DLGAP2: variants seen among roughly 807,000 people sequenced by gnomAD.
DLGAP2 encodes disks large-associated protein 2.
In DLGAP2, 26 loss-of-function variants were observed where a neutral mutation model predicts 100.3. The ratio of observed to expected loss-of-function variants is 0.26; its 90% CI spans 0.19 to 0.36. The LOEUF is 0.36. DLGAP2 is among the 10% of genes least tolerant of loss of function. DLGAP2 has a pLI of 1.00. For missense variants in DLGAP2, 1,858 were observed against 1,453.2 expected (o/e 1.28, Z -4.53); for synonymous variants, 886 against 630.1 (o/e 1.41, Z -6.08).
At chr8:982,883 A>ATTTTTTTTT (rs35686773) in intron 2 of DLGAP2, among the ~76,000 whole-genome samples, 3 of 117,334 alleles carry the variant, frequency 2.6e-5, no homozygotes, top group Non-Finnish European at 5.1e-5. Context: ...TAAAGGTAGG[A>ATTTTTTTTT]TTTTTTTTTT....
chr8:908,961 A>G (rs1198601216), intron 2 of DLGAP2, among the ~76,000 whole-genome samples: 1 of 150,714 alleles, frequency 6.6e-6, no homozygotes, highest in African/African-American at 2.4e-5. Flanking sequence ...CTCACCACTA[A>G]GAATGATGGT....
intron 2 of DLGAP2, among the ~76,000 whole-genome samples, chr8:981,693 T>C (rs987500778): frequency 2.0e-5 from 3 of 152,226 alleles, no homozygotes; most frequent in African/African-American, 4.8e-5. Flanking sequence ...GCACCTTTCA[T>C]GTATTTATTA....
chr8:1,455,325 G>A (rs1045194585), intron 3 of DLGAP2, among the ~76,000 whole-genome samples: 13 of 152,246 alleles, frequency 8.5e-5, no homozygotes, highest in African/African-American at 2.9e-4. Flanking sequence ...CTGCCTGCAG[G>A]TGGGGTTTCC....
chr8:1,147,669 C>G (rs180908696), intron 2 of DLGAP2, among the ~76,000 whole-genome samples: 1 of 151,872 alleles, frequency 6.6e-6, no homozygotes, highest in East Asian at 1.9e-4. Flanking sequence ...GTCACTGAGA[C>G]TAAAGGCAAG....
At chr8:1,449,188 GCA>G (rs1380165823) in intron 3 of DLGAP2, among the ~76,000 whole-genome samples, 1 of 152,214 alleles carries the variant, frequency 6.6e-6, no homozygotes, top group Non-Finnish European at 1.5e-5. Context: ...TGACCACACA[GCA>G]CAGTTCTCAG....
At chr8:967,765 G>GTATATATATATATGTATACA (rs1554455048) in intron 2 of DLGAP2, among the ~76,000 whole-genome samples, 35 of 52,646 alleles carry the variant, frequency 6.6e-4, no homozygotes, top group African/African-American at 2.1e-3. Context: ...ACAAAGAGGT[G>GTATATATATATATGTATACA]TATATATATA....
chr8:1,007,172 C>T (rs1041232679), intron 2 of DLGAP2, among the ~76,000 whole-genome samples: 17 of 152,156 alleles, frequency 1.1e-4, no homozygotes, highest in Non-Finnish European at 1.8e-4. Context: ...TATGAAGTCT[C>T]GGGATGTGGT....
At chr8:1,504,889 C>A (rs1799852735) in intron 4 of DLGAP2, among the ~76,000 whole-genome samples, 1 of 152,060 alleles carries the variant, frequency 6.6e-6, no homozygotes, top group Admixed American at 6.6e-5. Flanking sequence ...AGAAAAATAC[C>A]CAGAAGTGGG....
chr8:1,138,236 C>G (rs187609727), intron 2 of DLGAP2, among the ~76,000 whole-genome samples: 1 of 152,314 alleles, frequency 6.6e-6, no homozygotes, highest in African/African-American at 2.4e-5. Flanking sequence ...CCCTGAGTCC[C>G]CTGTTGGTTC....
At chr8:776,906 G>C (rs7341554) in intron 1 of DLGAP2, among the ~76,000 whole-genome samples, 1 of 151,882 alleles carries the variant, frequency 6.6e-6, no homozygotes, top group African/African-American at 2.4e-5. Context: ...GGGTATCCTT[G>C]TTGACTTTCT....
chr8:846,883 T>G (rs180952688), intron 1 of DLGAP2, among the ~76,000 whole-genome samples: 9 of 152,328 alleles, frequency 5.9e-5, no homozygotes, highest in Admixed American at 2.6e-4. Flanking sequence ...ATGTCTGGCT[T>G]GCTCTTGTTT....
At chr8:779,631 A>G (rs2132621634) in intron 1 of DLGAP2, among the ~76,000 whole-genome samples, 1 of 151,898 alleles carries the variant, frequency 6.6e-6, no homozygotes, top group South Asian at 2.1e-4. Context: ...GCCTAGCCTA[A>G]TAGCATTATT....
intron 1 of DLGAP2, among the ~76,000 whole-genome samples, chr8:841,599 C>G (rs1221943936): frequency 6.6e-6 from 1 of 151,896 alleles, no homozygotes; most frequent in Non-Finnish European, 1.5e-5. Context: ...GAGATGAGGT[C>G]TTGCTATATT....
chr8:1,167,485 T>C (rs1328155424), intron 2 of DLGAP2, among the ~76,000 whole-genome samples: 1 of 152,182 alleles, frequency 6.6e-6, no homozygotes, highest in African/African-American at 2.4e-5. Flanking sequence ...CCCATGGTGT[T>C]TCTACATGAA....
At chr8:829,917 C>A (rs1323387112) in intron 1 of DLGAP2, among the ~76,000 whole-genome samples, 1 of 152,188 alleles carries the variant, frequency 6.6e-6, no homozygotes, top group Admixed American at 6.5e-5. Context: ...ATGTACCAGT[C>A]TCTTGTTATT....
chr8:1,330,288 G>C (rs1367478982), intron 3 of DLGAP2, among the ~76,000 whole-genome samples: 1 of 151,532 alleles, frequency 6.6e-6, no homozygotes, highest in Non-Finnish European at 1.5e-5. Context: ...ACTGAGTTCT[G>C]GGTGGGAGCA....
intron 2 of DLGAP2, among the ~76,000 whole-genome samples, chr8:973,238 C>A (rs1800064617): frequency 6.7e-6 from 1 of 148,826 alleles, no homozygotes; most frequent in Non-Finnish European, 1.5e-5. Context: ...GGGCGGCTGG[C>A]CGGGCGGAGG....
chr8:1,664,454 G>C (rs765149016), intron 8 of DLGAP2, among the ~76,000 whole-genome samples: 1 of 152,086 alleles, frequency 6.6e-6, no homozygotes, highest in Non-Finnish European at 1.5e-5. Flanking sequence ...TTCTCAGGAC[G>C]GCCTTTTCAG....
intron 1 of DLGAP2, among the ~76,000 whole-genome samples, chr8:745,831 C>G (rs752001299): frequency 6.6e-6 from 1 of 152,232 alleles, no homozygotes; most frequent in Non-Finnish European, 1.5e-5. Context: ...TGAATACTTT[C>G]ATCCCATTTC....
Sources: allele counts gnomAD v4.1 joint callset (sites outside exome capture counted in the v4.1 genomes callset), GRCh38; gene constraint gnomAD v4.1.1; transcripts MANE v1.5; gene names NCBI Gene and HGNC (gene_info 2026-07-23, HGNC 2026-07-21).